TULP4: variants seen among roughly 807,000 people sequenced by gnomAD.
The protein encoded by TULP4 is TUB like protein 4, also known as tubby-related protein 4.
In TULP4, 16 loss-of-function variants were observed where a neutral mutation model predicts 129.0. The observed-to-expected ratio is 0.12, with a 90% CI of 0.08 to 0.19. The LOEUF is 0.19. Among genes scored for constraint, TULP4 ranks in the 10% least tolerant of loss-of-function variants. TULP4 has a pLI of 1.00. For missense variants in TULP4, 1,842 were observed against 2,059.1 expected (o/e 0.89, Z 2.04); for synonymous variants, 998 against 854.0 (o/e 1.17, Z -2.94).
upstream of TULP4, among the ~76,000 whole-genome samples, chr6:158,308,485 T>A (rs1191547926): frequency 6.6e-6 from 1 of 152,088 alleles, no homozygotes; most frequent in East Asian, 1.9e-4. Flanking sequence ...ACCGCCATTG[T>A]CATCATGGCC....
At chr6:158,268,826 T>TC (rs775606774) in intron 1 of TULP4, among the ~76,000 whole-genome samples, 46 of 152,358 alleles carry the variant, frequency 3.0e-4, no homozygotes, top group Non-Finnish European at 5.7e-4. Context: ...TGACTTTTTT[T>TC]CCTGTTGTAA....
chr6:158,412,740 T>G (rs544733477), intron 1 of TULP4, among the ~76,000 whole-genome samples: 2 of 152,164 alleles, frequency 1.3e-5, no homozygotes, highest in Non-Finnish European at 2.9e-5. Flanking sequence ...TAAAATAGTT[T>G]CCCCACAGCA....
chr6:158,235,505 A>ACTCCAGCAC (rs1777674158), intron 1 of TULP4, among the ~76,000 whole-genome samples: 1 of 152,112 alleles, frequency 6.6e-6, no homozygotes, highest in Non-Finnish European at 1.5e-5. Context: ...CAGCATTTGC[A>ACTCCAGCAC]TCCTTTTGTT....
At chr6:158,271,605 T>G (rs1280360874) in intron 1 of TULP4, among the ~76,000 whole-genome samples, 1 of 151,880 alleles carries the variant, frequency 6.6e-6, no homozygotes, top group Admixed American at 6.6e-5. Context: ...AATTTTTAAA[T>G]TTTTTGTAGA....
At chr6:158,272,207 T>C (rs1778564604) in intron 1 of TULP4, among the ~76,000 whole-genome samples, 1 of 152,130 alleles carries the variant, frequency 6.6e-6, no homozygotes, top group African/African-American at 2.4e-5. Flanking sequence ...ACAGGTGCAT[T>C]TCAAGCATAA....
chr6:158,302,549 A>G (rs1364445707), intron 1 of TULP4, among the ~76,000 whole-genome samples: 1 of 152,174 alleles, frequency 6.6e-6, no homozygotes, highest in Non-Finnish European at 1.5e-5. Flanking sequence ...ACTGTTTAGC[A>G]ACCAATTGAG....
At chr6:158,462,466 C>T (rs867891066) in intron 6 of TULP4, among the ~76,000 whole-genome samples, 2 of 151,460 alleles carry the variant, frequency 1.3e-5, no homozygotes, top group Non-Finnish European at 2.9e-5. Context: ...CTCTGCCTCC[C>T]GGGTTCACAC....
intron 1 of TULP4, chr6:158,282,762 GCTTT>G (rs1479334890): frequency 6.6e-6 from 1 of 152,036 alleles, no homozygotes; most frequent in Admixed American, 6.6e-5. Flanking sequence ...GACCACAGAT[GCTTT>G]CTTGATGAAC....
chr6:158,302,742 C>T (rs537215938), intron 1 of TULP4, among the ~76,000 whole-genome samples: 18 of 152,136 alleles, frequency 1.2e-4, no homozygotes, highest in African/African-American at 2.9e-4. Context: ...AGACCGAGTC[C>T]GGGAACAAAC....
intron 1 of TULP4, among the ~76,000 whole-genome samples, chr6:158,266,068 C>T (rs1472723280): frequency 6.6e-6 from 1 of 152,170 alleles, no homozygotes; most frequent in Non-Finnish European, 1.5e-5. Flanking sequence ...CTAGCTTCCA[C>T]CATTGTTATA....
At chr6:158,324,577 G>A (rs955794239) in intron 1 of TULP4, among the ~76,000 whole-genome samples, 4 of 152,192 alleles carry the variant, frequency 2.6e-5, no homozygotes, top group African/African-American at 9.6e-5. Flanking sequence ...CAGATGGATC[G>A]TCTATCGTGT....
At chr6:158,428,564 G>A (rs1778555873) in intron 2 of TULP4, among the ~76,000 whole-genome samples, 1 of 152,070 alleles carries the variant, frequency 6.6e-6, no homozygotes. Flanking sequence ...TTGAATAGAT[G>A]CAATAGCATT....
At chr6:158,259,140 T>C (rs1186865602) in intron 1 of TULP4, among the ~76,000 whole-genome samples, 1 of 152,208 alleles carries the variant, frequency 6.6e-6, no homozygotes, top group African/African-American at 2.4e-5. Flanking sequence ...TGAGACAGGA[T>C]AATCGCTTGA....
chr6:158,308,672 G>T, upstream of TULP4, among the ~76,000 whole-genome samples: 1 of 149,600 alleles, frequency 6.7e-6, no homozygotes, highest in Non-Finnish European at 1.5e-5. Context: ...GGCTGGCCGG[G>T]CAGAGGGGCT....
chr6:158,361,754 C>G (rs1337976754), intron 1 of TULP4, among the ~76,000 whole-genome samples: 1 of 152,148 alleles, frequency 6.6e-6, no homozygotes, highest in Non-Finnish European at 1.5e-5. Context: ...TTAGGAAAAT[C>G]TCTTGGCATC....
At chr6:158,403,377 T>C (rs1012281115) in intron 1 of TULP4, among the ~76,000 whole-genome samples, 15 of 152,228 alleles carry the variant, frequency 9.9e-5, no homozygotes, top group African/African-American at 2.9e-4. Context: ...TTCGCTCTTG[T>C]TGCCCAGGCT....
Position 158,489,596 on chromosome 6 carries a change from T to C in TULP4, c.1495T>C (p.Tyr499His). The change falls in exon 9 of 14, where the codon TAT becomes CAT. Residue 499 changes from tyrosine to histidine, a missense_variant. Transcript: ENST00000367097. ...GGTTGGTGTTTTACCAGATGAAATC[T>C]ATGGGAACAGCTTGATTTCTACTGT... ...PRTDSKPDEI[Y>H]GNSLISTVID... The C allele has an allele frequency of 3.1e-6, 5 of 1,614,176 alleles. No individual in the cohort carries two copies. The highest frequency in any genetic ancestry group is 4.2e-6 in the Non-Finnish European group (5 of 1,180,022).
chr6:158,492,513 T>A (rs902487292), intron 9 of TULP4, among the ~76,000 whole-genome samples: 2 of 152,222 alleles, frequency 1.3e-5, no homozygotes, highest in Non-Finnish European at 2.9e-5. Flanking sequence ...CCAAAGTGCT[T>A]TTTTCCCATT....
At chr6:158,431,668 G>T (rs999950358) in intron 3 of TULP4, among the ~76,000 whole-genome samples, 1 of 152,148 alleles carries the variant, frequency 6.6e-6, no homozygotes, top group Non-Finnish European at 1.5e-5. Context: ...TCTGGGGTAC[G>T]TTGTTCCAGG....
Sources: gnomAD v4.1 joint callset for allele counts (sites outside exome capture counted in the v4.1 genomes callset) on GRCh38, gnomAD v4.1.1 for gene constraint, MANE v1.5 for transcripts, NCBI Gene and HGNC (gene_info 2026-07-23, HGNC 2026-07-21) for gene names.